The following MRPS25 variants were observed in gnomAD, a reference collection of about 807,000 sequenced individuals.
MRPS25 encodes the protein mitochondrial ribosomal protein S25, also known as small ribosomal subunit protein mS25.
Under a neutral mutation model 17.3 loss-of-function variants are expected in MRPS25, and 15 were observed. The ratio of observed to expected loss-of-function variants is 0.87; its 90% confidence interval spans 0.58 to 1.34. MRPS25 has a LOEUF of 1.34. Ranked by LOEUF, MRPS25 falls within the 40% of genes most tolerant of loss-of-function variation. The pLI is 0.00. For synonymous variants in MRPS25, 94 were observed against 83.3 expected, an observed-to-expected ratio of 1.13 and a Z score of -0.70; for missense variants, 225 against 218.6, an observed-to-expected ratio of 1.03 and a Z score of -0.19.
rs1475347987 is a variant in MRPS25 at position 15,051,779 on chromosome 3, TGGGC to T, written c.*658_*661del. The T allele has an allele frequency of 1.0e-5, 10 of 985,522 alleles. No individual in the cohort carries two copies. In the East Asian group the frequency reaches 1.0e-3, roughly 101 times the overall value. The allele number at this position is 985,522 out of a possible 1,614,324, so 61.0% of individuals were successfully genotyped here. A position where few individuals can be genotyped will look rare whatever the true frequency, so the allele number is the denominator to read the frequency against. ...CCTCCCTGCTAATGCACACAGTGGC[TGGGC>T]CATGGGTTGGCAGTGGCTGACTGGT... On this transcript the variant is annotated 3_prime_UTR_variant, in exon 4 of 4. Transcript: ENST00000253686.
chr3:15,044,968 G>A (rs528166195), downstream of MRPS25: 94 of 152,344 alleles, frequency 6.2e-4, 2 homozygotes, highest in African/African-American at 2.2e-3. Context: ...ATTTTGGAGA[G>A]TAGTGGGAGT....
intron 2 of MRPS25, among the ~76,000 whole-genome samples, chr3:15,054,145 A>T (rs1362057144): frequency 6.6e-6 from 1 of 151,976 alleles, no homozygotes; most frequent in East Asian, 1.9e-4. Context: ...CAGGAGGCAG[A>T]GGTTGCAGTG....
downstream of MRPS25, chr3:15,042,824 C>T (rs769951693): frequency 6.2e-7 from 1 of 1,612,434 alleles, no homozygotes; most frequent in South Asian, 1.1e-5. Flanking sequence ...AATGACACTC[C>T]CTTTTATAGA....
chr3:15,047,823 CTT>C (rs1202512526), downstream of MRPS25: 2 of 152,216 alleles, frequency 1.3e-5, no homozygotes, highest in Admixed American at 1.3e-4. Flanking sequence ...ATGTAAATGA[CTT>C]TAACTCCTTT....
rs1044301424 is a variant in MRPS25 at position 15,051,248 on chromosome 3, C to T, written c.*1193G>A. On this transcript the variant is annotated 3_prime_UTR_variant, in exon 4 of 4. Transcript: ENST00000253686. ...GCCCAGGCTGGAGTGCAGTAGCGCA[C>T]GATCATGATTCACTGCAGCCTTGAT... 7.7e-6 allele frequency: 7 copies of T among 911,330 alleles called. No individual in the cohort carries two copies. The highest frequency in any genetic ancestry group is 6.6e-6 in the Non-Finnish European group (5 of 762,502). 56.5% of individuals were successfully genotyped at this position (911,330 alleles called of 1,614,324 possible).
At chr3:15,057,725 C>CA (rs2042691645) in intron 2 of MRPS25, among the ~76,000 whole-genome samples, 1 of 152,202 alleles carries the variant, frequency 6.6e-6, no homozygotes, top group South Asian at 2.1e-4. Flanking sequence ...GGCCAGTACC[C>CA]ATCCAGTTGC....
chr3:15,043,739 T>A (rs1436645699), downstream of MRPS25: 1 of 152,238 alleles, frequency 6.6e-6, no homozygotes, highest in Non-Finnish European at 1.5e-5. Flanking sequence ...CTTGTCAGGT[T>A]CCCTGACTAC....
At chr3:15,047,495 A>C (rs974070512), downstream of MRPS25, 1 of 152,226 alleles carries the variant, frequency 6.6e-6, no homozygotes, top group Non-Finnish European at 1.5e-5. Context: ...AGTTGGGTTG[A>C]GCCATCAGCC....
downstream of MRPS25, chr3:15,044,360 A>T (rs985197895): frequency 2.6e-5 from 4 of 152,246 alleles, no homozygotes; most frequent in African/African-American, 9.6e-5. Flanking sequence ...TTTTAAATGC[A>T]GGCTGCTTGC....
At chr3:15,058,812 C>T (rs1204863824) in intron 2 of MRPS25, among the ~76,000 whole-genome samples, 1 of 152,122 alleles carries the variant, frequency 6.6e-6, no homozygotes, top group East Asian at 1.9e-4. Context: ...AACAGCTGCC[C>T]TCCTCGTTTT....
downstream of MRPS25, chr3:15,047,941 G>A (rs190478703): frequency 5.3e-5 from 8 of 152,262 alleles, no homozygotes; most frequent in East Asian, 1.9e-4. Flanking sequence ...AGGTCTACTC[G>A]GACGAATTTT....
In MRPS25 at chr3:15,050,730, G is replaced by A; in HGVS notation, c.*1711C>T. On this transcript the variant is annotated 3_prime_UTR_variant, in exon 4 of 4. Transcript: ENST00000253686. ...TCCCTTTGTAAGTCTGTCACTCAAG[G>A]AACACCTGTCCATTATACATCAGTC... The A allele has an allele frequency of 2.0e-6, 2 of 985,294 alleles. No individual in the cohort carries two copies. Among genetic ancestry groups the A allele is most frequent in the Non-Finnish European group, 2.4e-6 (2 of 829,926 alleles). The allele number at this position is 985,294 out of a possible 1,614,324, so 61.0% of individuals were successfully genotyped here. A position where few individuals can be genotyped will look rare whatever the true frequency, so the allele number is the denominator to read the frequency against.
At chr3:15,053,210 G>A in intron 3 of MRPS25, 170 bp downstream of exon 3, 1 of 1,409,642 alleles carries the variant, frequency 7.1e-7, no homozygotes, top group Non-Finnish European at 9.4e-7. Flanking sequence ...TAATGATTTG[G>A]TAAAGAGCAA....
intron 2 of MRPS25, among the ~76,000 whole-genome samples, chr3:15,053,757 A>C (rs1324779057): frequency 6.6e-6 from 1 of 152,148 alleles, no homozygotes; most frequent in African/African-American, 2.4e-5. Flanking sequence ...CCCCAGACTG[A>C]TCTACAGATT....
In MRPS25 at chr3:15,052,217, G is replaced by T; in HGVS notation, c.*224C>A. The stretch of plus-strand genomic sequence containing the variant: ...CAGATACACGCCAAGCTGCTATTAG[G>T]AAGCGTTTTATTGACCAGCAGAGCA... On this transcript the variant is annotated 3_prime_UTR_variant, in exon 4 of 4. Coordinates refer to ENST00000253686, the MANE Select transcript of MRPS25 (RefSeq NM_022497.5). 1 of 1,275,880 alleles carries T rather than the reference G, an allele frequency of 7.8e-7. No homozygotes were observed. Among genetic ancestry groups the T allele is most frequent in the Non-Finnish European group, 9.9e-7 (1 of 1,011,966 alleles). 79.0% of individuals were successfully genotyped at this position (1,275,880 alleles called of 1,614,324 possible).
At chr3:15,062,466 G>A (rs1464627752) in intron 1 of MRPS25, among the ~76,000 whole-genome samples, 56 of 142,408 alleles carry the variant, frequency 3.9e-4, no homozygotes, top group Non-Finnish European at 6.6e-4. Flanking sequence ...CCCCCTGCCC[G>A]GCCAGCCGCC....
rs1013363468 is a variant in MRPS25, at chr3:15,049,113, TGAA to T, written c.*3325_*3327del. The stretch of plus-strand genomic sequence containing the variant: ...TATATCTAATCAATGTCTTCAGTCT[TGAA>T]GAAGAATTTGCATTGTTGTGTTTGT... On this transcript the variant is annotated 3_prime_UTR_variant, in exon 4 of 4. Transcript: ENST00000253686. 4.6e-5 allele frequency: 7 copies of T among 152,770 alleles called. No homozygotes were observed. Among genetic ancestry groups the T allele is most frequent in the Non-Finnish European group, 2.9e-5 (2 of 68,028 alleles). The allele number at this position is 152,770 out of a possible 1,614,324, so 9.5% of individuals were successfully genotyped here.
rs2042582188 is a variant in MRPS25 at position 15,050,162 on chromosome 3, AAAAG to A, written c.*2275_*2278del. On this transcript the variant is annotated 3_prime_UTR_variant, in exon 4 of 4. Transcript: ENST00000253686. ...GATCAAGTAGCCTACAGGGAACAAAAAAAGAAAATAATGTTTATTTCCACAAATT... is the reference window on the plus strand; with the variant it reads ...GATCAAGTAGCCTACAGGGAACAAAAAAAATAATGTTTATTTCCACAAATT... The A allele has an allele frequency of 3.1e-6, 4 of 1,295,606 alleles. No individual in the cohort carries two copies. Among genetic ancestry groups the A allele is most frequent in the South Asian group, 3.7e-5 (2 of 53,606 alleles). 80.3% of individuals were successfully genotyped at this position (1,295,606 alleles called of 1,614,324 possible).
downstream of MRPS25, chr3:15,043,098 T>C: frequency 8.0e-7 from 1 of 1,257,788 alleles, no homozygotes; most frequent in Non-Finnish European, 1.1e-6. Flanking sequence ...TATGTGCAAA[T>C]ATTTCCATAT....
Sources: allele counts gnomAD v4.1 joint callset (sites outside exome capture counted in the v4.1 genomes callset), GRCh38; gene constraint gnomAD v4.1.1; transcripts MANE v1.5; gene names NCBI Gene and HGNC (gene_info 2026-07-23, HGNC 2026-07-21).